PIEZO2: variants seen among roughly 807,000 people sequenced by gnomAD.
The protein encoded by PIEZO2 is piezo-type mechanosensitive ion channel component 2.
In PIEZO2, 172 loss-of-function variants were observed where a neutral mutation model predicts 337.3. That is an observed-to-expected ratio of 0.51 (90% confidence interval 0.45 to 0.58). The LOEUF (loss-of-function observed/expected upper bound fraction) is 0.58, where lower values mean the gene tolerates loss of function less well. Ranked by LOEUF, PIEZO2 falls within the 20% of genes least tolerant of loss-of-function variation. PIEZO2 has a pLI of 0.00. For missense variants in PIEZO2, 3,028 were observed against 3,391.3 expected, an observed-to-expected ratio of 0.89 and a Z score of 2.66; for synonymous variants, 1,251 against 1,228.5, an observed-to-expected ratio of 1.02 and a Z score of -0.38.
chr18:10,874,084 A>C (rs1360505278), intron 4 of PIEZO2, among the ~76,000 whole-genome samples: 3 of 152,200 alleles, frequency 2.0e-5, no homozygotes, highest in Non-Finnish European at 4.4e-5. Flanking sequence ...AAAGGAATTA[A>C]TAATCGGAAT....
At chr18:10,977,357 T>A (rs2034483724) in intron 3 of PIEZO2, among the ~76,000 whole-genome samples, 1 of 151,756 alleles carries the variant, frequency 6.6e-6, no homozygotes, top group Admixed American at 6.6e-5. Context: ...TTGTGATGCA[T>A]CCTATAATGA....
At position 10,962,042 on chromosome 18, in the gene PIEZO2, G is replaced by T. The variant is rs564119461; in HGVS notation, c.286+17493C>A. Reference sequence around the variant, plus strand: ...GCTCTGTGTAAAGCCATCCAGAAATGCACCACTGATTCTCGCAACGTTCAG... The same window carrying T: ...GCTCTGTGTAAAGCCATCCAGAAATTCACCACTGATTCTCGCAACGTTCAG... On this transcript the variant is annotated intron_variant, in intron 3 of 55. Transcript: ENST00000674853. The surrounding 1 kb of genome is among the most constrained non-coding windows in gnomAD (Gnocchi z 4.1). 6.6e-6 allele frequency among the ~76,000 whole-genome samples: 1 copy of T among 152,224 alleles called. No individual in the cohort carries two copies.
rs903805128 is a variant in PIEZO2 at position 11,102,424 on chromosome 18, T to C, written c.65-36202A>G. On this transcript the variant is annotated intron_variant, in intron 1 of 55. Coordinates refer to ENST00000674853, the MANE Select transcript of PIEZO2 (RefSeq NM_001378183.1). The surrounding 1 kb of genome is among the most constrained non-coding windows in gnomAD (Gnocchi z 5.7). ...GTCAGTGGGCAAAACCCTGATCTGA[T>C]TGAAGATCGAATCTCACCCTGTCCC... 2.0e-5 allele frequency among the ~76,000 whole-genome samples: 3 copies of C among 152,298 alleles called. No individual in the cohort carries two copies. The highest frequency in any genetic ancestry group is 2.9e-5 in the Non-Finnish European group (2 of 68,026).
In PIEZO2 at chr18:10,716,989, G is replaced by C. The variant is rs148067171; in HGVS notation, c.5090-1173C>G. On this transcript the variant is annotated intron_variant, in intron 37 of 55. Transcript: ENST00000674853. The surrounding 1 kb of genome is among the most constrained non-coding windows in gnomAD (Gnocchi z 4.1). Reference sequence around the variant, plus strand: ...ACCTGGGTGACGACTCACCAACAGGGAAAGTGAGGACTCGACTTTAACCAC... The same window carrying C: ...ACCTGGGTGACGACTCACCAACAGGCAAAGTGAGGACTCGACTTTAACCAC... Among the ~76,000 whole-genome samples, 1,034 of 152,252 alleles carry C rather than the reference G, an allele frequency of 6.8e-3. 14 individuals are homozygous for C. The highest frequency in any genetic ancestry group is 0.023 in the African/African-American group (975 of 41,536).
Position 11,023,570 on chromosome 18 carries a change from G to A in PIEZO2, c.160+42557C>T, listed in dbSNP as rs551407289. ...TTCTCCAAGTCCCCACCAGAGTCAG[G>A]AGCCCAGCTGGCTTCACCCAGTGGA... On this transcript the variant is annotated intron_variant, in intron 2 of 55. Transcript: ENST00000674853. Among the ~76,000 whole-genome samples, 49 of 152,382 alleles carry A rather than the reference G, an allele frequency of 3.2e-4. 1 individual carries two copies. In the South Asian group the frequency reaches 9.9e-3, roughly 31 times the overall value.
chr18:10,933,490 T>C (rs560200958), intron 3 of PIEZO2, among the ~76,000 whole-genome samples: 1 of 152,226 alleles, frequency 6.6e-6, no homozygotes, highest in Non-Finnish European at 1.5e-5. Flanking sequence ...AAGTAGTTAC[T>C]GTGGTGCATG....
chr18:10,947,272 G>T (rs1009509046), intron 3 of PIEZO2, among the ~76,000 whole-genome samples: 1 of 152,122 alleles, frequency 6.6e-6, no homozygotes, highest in African/African-American at 2.4e-5. Context: ...GAGAAATGAT[G>T]CATTACGTCT....
chr18:10,774,253 A>G (rs540929673), intron 18 of PIEZO2, among the ~76,000 whole-genome samples: 2 of 152,350 alleles, frequency 1.3e-5, no homozygotes, highest in South Asian at 4.1e-4. Context: ...CTGAGAGTGG[A>G]CAGGATTGCA....
chr18:10,742,849 C>T (rs1239218645), intron 31 of PIEZO2, among the ~76,000 whole-genome samples: 1 of 151,664 alleles, frequency 6.6e-6, no homozygotes, highest in Non-Finnish European at 1.5e-5. Flanking sequence ...TTATTTGGCA[C>T]TGCATAGATG....
In PIEZO2 at chr18:10,855,984, T is replaced by C. The variant is rs555300977; in HGVS notation, c.704-418A>G. Among the ~76,000 whole-genome samples, 16 of 150,440 alleles carry C rather than the reference T, an allele frequency of 1.1e-4. No homozygotes were observed. The East Asian group carries it at 2.9e-3, about 27-fold the overall frequency. On this transcript the variant is annotated intron_variant, in intron 6 of 55. Transcript: ENST00000674853. This position sits in a 1 kb window ranked among gnomAD's most constrained non-coding sequence, Gnocchi z 4.9. ...TCTTTATAATAATTTACTACTTTTTTTTTTTAAGTTAACTAGTACATCCTG... is the reference window on the plus strand; with the variant it reads ...TCTTTATAATAATTTACTACTTTTTCTTTTTAAGTTAACTAGTACATCCTG...
chr18:11,013,232 G>A (rs552464305), intron 2 of PIEZO2, among the ~76,000 whole-genome samples: 1 of 152,286 alleles, frequency 6.6e-6, no homozygotes, highest in South Asian at 2.1e-4. Context: ...AATCTCAAGG[G>A]TATTTACATG....
intron 2 of PIEZO2, among the ~76,000 whole-genome samples, chr18:11,041,135 A>G (rs2037104896): frequency 6.6e-6 from 1 of 152,212 alleles, no homozygotes; most frequent in Admixed American, 6.5e-5. Context: ...AACCCGAACT[A>G]TGAAATGGTT....
intron 2 of PIEZO2, among the ~76,000 whole-genome samples, chr18:11,040,032 C>G (rs59482733): frequency 8.1e-4 from 123 of 151,770 alleles, no homozygotes; most frequent in African/African-American, 2.9e-3. Flanking sequence ...TACACCTCTA[C>G]AGATGACATG....
chr18:10,832,587 G>T (rs1269956739), intron 7 of PIEZO2, among the ~76,000 whole-genome samples: 1 of 152,190 alleles, frequency 6.6e-6, no homozygotes, highest in Non-Finnish European at 1.5e-5. Context: ...GGGGTACTTT[G>T]TCTACTTTAG....
intron 3 of PIEZO2, among the ~76,000 whole-genome samples, chr18:10,949,567 G>T (rs1272627527): frequency 6.6e-6 from 1 of 152,216 alleles, no homozygotes; most frequent in Admixed American, 6.5e-5. Flanking sequence ...CCATGCAGCA[G>T]CCCTGCACCA....
At position 10,724,938 on chromosome 18, in the gene PIEZO2, C is replaced by G. The variant is rs1345346824; in HGVS notation, c.5029+6469G>C. The G allele has an allele frequency of 1.2e-6, 2 of 1,600,026 alleles. No individual in the cohort carries two copies. Among genetic ancestry groups the G allele is most frequent in the East Asian group, 2.2e-5 (1 of 44,812 alleles). On this transcript the variant is annotated intron_variant, in intron 36 of 55. Coordinates refer to ENST00000674853, the MANE Select transcript of PIEZO2 (RefSeq NM_001378183.1). The surrounding 1 kb of genome is among the most constrained non-coding windows in gnomAD (Gnocchi z 5.8). Reference sequence around the variant, plus strand: ...AGCCTCCACCTGGACGGCGATGGAACCCAGGTGGGCGCACCCTGCGGCCTG... The same window carrying G: ...AGCCTCCACCTGGACGGCGATGGAAGCCAGGTGGGCGCACCCTGCGGCCTG...
intron 3 of PIEZO2, among the ~76,000 whole-genome samples, chr18:10,965,024 C>A (rs1213438252): frequency 1.3e-5 from 2 of 152,130 alleles, no homozygotes; most frequent in African/African-American, 4.8e-5. Context: ...TATTTCTAAT[C>A]TATTTTTTCT....
intron 47 of PIEZO2, 32 bp downstream of exon 47, chr18:10,696,042 A>T (rs1567957260): frequency 1.3e-6 from 2 of 1,573,044 alleles, no homozygotes; most frequent in Non-Finnish European, 8.8e-7. Flanking sequence ...GCATGGAGGC[A>T]GGTTGGTGCC....
In PIEZO2 at chr18:10,696,424, T is replaced by C. The variant is rs1171008953; in HGVS notation, c.6943A>G (p.Ile2315Val). The C allele has an allele frequency of 2.5e-6, 4 of 1,614,104 alleles. No homozygotes were observed. The highest frequency in any genetic ancestry group is 4.5e-5 in the East Asian group (2 of 44,896). The part of the protein sequence containing the change: ...LMFLADTVDF[I>V]IIVFGFWAFG... The stretch of plus-strand genomic sequence containing the variant: ...GCCCAAAAGCCGAAGACAATGATGA[T>C]GAAGTCCACAGTGTCAGCCAGGAAC... Residue 2315 changes from isoleucine to valine, a missense_variant, in exon 46 of 56, where the codon ATC (isoleucine) becomes GTC (valine). Physicochemically the swap from Ile to Val is conservative, Grantham distance 29 (BLOSUM62 3). This residue lies in a region of PIEZO2 where 1,925 missense variants were observed against 2,051.9 expected (regional missense o/e 0.94). Coordinates refer to ENST00000674853, the MANE Select transcript of PIEZO2 (RefSeq NM_001378183.1).
Sources: allele counts gnomAD v4.1 joint callset (sites outside exome capture counted in the v4.1 genomes callset), GRCh38; gene constraint gnomAD v4.1.1; regional missense constraint gnomAD v4.1.1; non-coding constraint Gnocchi (gnomAD v3.1); transcripts MANE v1.5; gene names NCBI Gene and HGNC (gene_info 2026-07-23, HGNC 2026-07-21).